The following TBC1D20 variants were observed in gnomAD, a reference collection of about 807,000 sequenced individuals.
The protein encoded by TBC1D20 is TBC1 domain family member 20.
Under a neutral mutation model 41.6 loss-of-function variants are expected in TBC1D20, and 12 were observed. The observed-to-expected ratio is 0.29, with a 90% CI of 0.18 to 0.47. The LOEUF (loss-of-function observed/expected upper bound fraction) is 0.47, where lower values mean the gene tolerates loss of function less well. TBC1D20 is among the 20% of genes least tolerant of loss of function. The probability of loss-of-function intolerance (pLI) is 1.00; values close to 1 mark genes in which losing one functional copy is unlikely to be tolerated. For missense variants in TBC1D20, 421 were observed against 517.4 expected, an observed-to-expected ratio of 0.81 and a Z score of 1.81; for synonymous variants, 205 against 204.8, an observed-to-expected ratio of 1.00 and a Z score of -0.01.
At position 438,411 on chromosome 20, in the gene TBC1D20, T is replaced by A; in HGVS notation, c.*175A>T. On this transcript the variant is annotated 3_prime_UTR_variant, in exon 8 of 8. Coordinates refer to ENST00000354200, the MANE Select transcript of TBC1D20 (RefSeq NM_144628.4). ...GCCCCCAGGTCCCCTCTGTGTCAGG[T>A]AGGCTCTGCTACTGGCCTCTGAAGT... The A allele has an allele frequency of 1.4e-6, 1 of 703,736 alleles. No homozygotes were observed. 43.6% of individuals were successfully genotyped at this position (703,736 alleles called of 1,614,324 possible). A position where few individuals can be genotyped will look rare whatever the true frequency, so the allele number is the denominator to read the frequency against.
At chr20:455,369 G>C (rs1281247192) in intron 1 of TBC1D20, among the ~76,000 whole-genome samples, 1 of 152,206 alleles carries the variant, frequency 6.6e-6, no homozygotes, top group Non-Finnish European at 1.5e-5. Flanking sequence ...TATAATCCCA[G>C]TACTTTGGGA....
chr20:449,541 A>C (rs534969879), intron 1 of TBC1D20, among the ~76,000 whole-genome samples: 3 of 151,456 alleles, frequency 2.0e-5, no homozygotes, highest in Non-Finnish European at 4.4e-5. Flanking sequence ...AGTTGCAGTG[A>C]GCCAAGATCG....
chr20:450,415 A>C (rs943887107), intron 1 of TBC1D20, among the ~76,000 whole-genome samples: 10 of 151,614 alleles, frequency 6.6e-5, no homozygotes, highest in Non-Finnish European at 1.5e-4. Context: ...CAAAGTGCTG[A>C]GATTACAAGC....
Position 439,079 on chromosome 20 carries a change from C to T in TBC1D20, c.956+29G>A, listed in dbSNP as rs533957044. 2 of 1,589,886 alleles carry T rather than the reference C, an allele frequency of 1.3e-6. No individual in the cohort carries two copies. Among genetic ancestry groups the T allele is most frequent in the African/African-American group, 1.3e-5 (1 of 74,584 alleles). On this transcript the variant is annotated intron_variant, in intron 7 of 7. Transcript: ENST00000354200. The surrounding 1 kb of genome is among the most constrained non-coding windows in gnomAD (Gnocchi z 4.6). The stretch of plus-strand genomic sequence containing the variant: ...GCTTCTGCTCATTTACAGCCACCCC[C>T]ATTCAACCAGTGTCCCAGCCTTGCT...
intron 1 of TBC1D20, among the ~76,000 whole-genome samples, chr20:454,716 G>C (rs2017512420): frequency 6.6e-6 from 1 of 151,640 alleles, no homozygotes; most frequent in South Asian, 2.1e-4. Flanking sequence ...TTGTCTCCCA[G>C]GCTGGAGTGC....
At chr20:443,794 T>C (rs367950894) in intron 3 of TBC1D20, among the ~76,000 whole-genome samples, 100 of 152,076 alleles carry the variant, frequency 6.6e-4, no homozygotes, top group Non-Finnish European at 1.3e-3. Context: ...AGATATTACA[T>C]CAATGGAAGA....
Position 441,883 on chromosome 20 carries a change from T to C in TBC1D20, c.498A>G (p.Val166=). The change falls in exon 4 of 8, where the codon GTA becomes GTG. Residue 166 remains valine, a synonymous_variant. Transcript: ENST00000354200. ...TGAGGTGGTGGGTAGATAATTTTTC[T>C]ACCAGGGATGTTGCCAGCCTCTCGC... is the stretch of plus-strand genomic sequence containing the variant. ...VVGERLATSL[V]EKLSTHHLRD... 3.1e-6 allele frequency: 5 copies of C among 1,614,090 alleles called. No homozygotes were observed. The highest frequency in any genetic ancestry group is 4.2e-6 in the Non-Finnish European group (5 of 1,179,988).
intron 1 of TBC1D20, among the ~76,000 whole-genome samples, chr20:450,235 C>G (rs761895763): frequency 6.1e-4 from 92 of 151,808 alleles, no homozygotes; most frequent in Non-Finnish European, 5.2e-4. Context: ...TGCAACCTCC[C>G]TGTCCCAGGT....
At chr20:440,211 T>C (rs746265818) in intron 6 of TBC1D20, 37 bp downstream of exon 6, 3 of 1,605,212 alleles carry the variant, frequency 1.9e-6, no homozygotes, top group Admixed American at 1.7e-5. Flanking sequence ...GGATGGGTGA[T>C]GGTGAACCCA....
intron 1 of TBC1D20, among the ~76,000 whole-genome samples, chr20:459,199 T>A (rs1367446843): frequency 6.6e-6 from 1 of 152,220 alleles, no homozygotes; most frequent in African/African-American, 2.4e-5. Flanking sequence ...AAGAGAAACA[T>A]CATAGAGCTA....
chr20:454,902 C>T (rs1463791898), intron 1 of TBC1D20, among the ~76,000 whole-genome samples: 1 of 152,080 alleles, frequency 6.6e-6, no homozygotes, highest in East Asian at 1.9e-4. Flanking sequence ...GAACTCCTGA[C>T]CTGAAGTGAT....
At position 439,141 on chromosome 20, in the gene TBC1D20, G is replaced by C. The variant is rs2017176703; in HGVS notation, c.923C>G (p.Ala308Gly). The C allele has an allele frequency of 8.7e-6, 14 of 1,613,920 alleles. No individual in the cohort carries two copies. Among genetic ancestry groups the C allele is most frequent in the Non-Finnish European group, 1.2e-5 (14 of 1,179,894 alleles). Residue 308 changes from alanine (A) to glycine (G), a missense_variant, in exon 7 of 8, where the codon GCT becomes GGT. This residue lies in a region of TBC1D20 where 161 missense variants were observed against 182.7 expected (regional missense o/e 0.88). Coordinates refer to ENST00000354200, the MANE Select transcript of TBC1D20 (RefSeq NM_144628.4). The surrounding 1 kb of genome is among the most constrained non-coding windows in gnomAD (Gnocchi z 4.6). ...TTGCTGTTGGGCAGCGGCCTCCCGAGCAAGTTCGGATGGGGGAAACTGAAC... is the reference window on the plus strand; with the variant it reads ...TTGCTGTTGGGCAGCGGCCTCCCGACCAAGTTCGGATGGGGGAAACTGAAC... ...LFVQFPPSEL[A>G]REAAAQQQAE...
chr20:454,739 T>C (rs1753557646), intron 1 of TBC1D20, among the ~76,000 whole-genome samples: 2 of 152,116 alleles, frequency 1.3e-5, no homozygotes, highest in African/African-American at 4.8e-5. Flanking sequence ...TGAAGCAATC[T>C]TGGCTCACTG....
intron 2 of TBC1D20, among the ~76,000 whole-genome samples, chr20:447,054 A>G (rs1488722272): frequency 6.8e-6 from 1 of 147,658 alleles, no homozygotes; most frequent in African/African-American, 2.5e-5. Context: ...GGTTCAAGCA[A>G]TTCTCTGCTG....
intron 2 of TBC1D20, among the ~76,000 whole-genome samples, chr20:446,584 A>G (rs923362806): frequency 6.6e-6 from 1 of 152,006 alleles, no homozygotes; most frequent in Non-Finnish European, 1.5e-5. Context: ...CAAGTGATTC[A>G]CCTGCCTCAG....
At chr20:457,412 G>T (rs374146372) in intron 1 of TBC1D20, among the ~76,000 whole-genome samples, 5 of 151,900 alleles carry the variant, frequency 3.3e-5, no homozygotes, top group African/African-American at 1.2e-4. Flanking sequence ...TGTAGAGGTG[G>T]GGTCTCATTA....
chr20:442,395 C>T (rs1056090778), intron 3 of TBC1D20, among the ~76,000 whole-genome samples: 1 of 152,220 alleles, frequency 6.6e-6, no homozygotes, highest in African/African-American at 2.4e-5. Flanking sequence ...TTTCTATCAA[C>T]AGCGCACAGA....
At chr20:460,624 C>G (rs2017614248) in intron 1 of TBC1D20, among the ~76,000 whole-genome samples, 1 of 152,052 alleles carries the variant, frequency 6.6e-6, no homozygotes, top group Non-Finnish European at 1.5e-5. Context: ...ATTCTGTTAA[C>G]TACCTGGAAA....
intron 1 of TBC1D20, among the ~76,000 whole-genome samples, chr20:456,178 C>A (rs151030935): frequency 4.0e-5 from 6 of 150,640 alleles, no homozygotes; most frequent in Non-Finnish European, 7.4e-5. Context: ...GAGGCAGAGG[C>A]GGGTTGTAGT....
Sources: gnomAD v4.1 joint callset for allele counts (sites outside exome capture counted in the v4.1 genomes callset) on GRCh38, gnomAD v4.1.1 for gene constraint, gnomAD v4.1.1 regional missense constraint, Gnocchi (gnomAD v3.1) non-coding constraint, MANE v1.5 for transcripts, NCBI Gene and HGNC (gene_info 2026-07-23, HGNC 2026-07-21) for gene names.